PRKG2: variants seen among roughly 807,000 people sequenced by gnomAD.
PRKG2 encodes cGMP-dependent protein kinase 2.
A neutral mutation model predicts 97.2 loss-of-function variants in PRKG2; 33 were observed. The ratio of observed to expected loss-of-function variants is 0.34; its 90% CI spans 0.26 to 0.45. The LOEUF is 0.45. Among genes scored for constraint, PRKG2 ranks in the 20% least tolerant of loss-of-function variants. PRKG2 has a pLI of 1.00. For synonymous variants in PRKG2, 330 were observed against 321.8 expected, an observed-to-expected ratio of 1.03 and a Z score of -0.27; for missense variants, 638 against 900.0, an observed-to-expected ratio of 0.71 and a Z score of 3.73.
rs1374664568 is a variant in PRKG2 at position 81,184,434 on chromosome 4, G to T, written c.462-9475C>A. Among the ~76,000 whole-genome samples, 4 of 152,090 alleles carry T rather than the reference G, an allele frequency of 2.6e-5. No individual in the cohort carries two copies. The East Asian group carries it at 7.7e-4, about 29-fold the overall frequency. ...TAGAAGGAAAACTAACAAACAGAAA[G>T]GAATAGCATCAACATCAACAAAATG... On this transcript the variant is annotated intron_variant, in intron 2 of 18. Coordinates refer to ENST00000264399, the MANE Select transcript of PRKG2 (RefSeq NM_006259.3).
chr4:81,133,258 T>C (rs927896510), intron 14 of PRKG2, among the ~76,000 whole-genome samples: 1 of 152,166 alleles, frequency 6.6e-6, no homozygotes, highest in Non-Finnish European at 1.5e-5. Context: ...GAGAAAAGCA[T>C]GTTTCTTTGC....
At chr4:81,197,889 T>C (rs930215366) in intron 2 of PRKG2, among the ~76,000 whole-genome samples, 1 of 152,224 alleles carries the variant, frequency 6.6e-6, no homozygotes, top group Non-Finnish European at 1.5e-5. Context: ...AAATATTTAT[T>C]GCATTGGATG....
intron 18 of PRKG2, among the ~76,000 whole-genome samples, chr4:81,090,781 T>C (rs4496577): frequency 0.028 from 4,258 of 152,270 alleles, 216 homozygotes; most frequent in African/African-American, 0.097. Flanking sequence ...CACTTATATA[T>C]GTGAGAACAC....
intron 9 of PRKG2, among the ~76,000 whole-genome samples, chr4:81,146,423 A>G (rs1208101981): frequency 6.6e-6 from 1 of 152,178 alleles, no homozygotes; most frequent in East Asian, 1.9e-4. Flanking sequence ...GATGTGACAA[A>G]TAGCATTTCC....
intron 6 of PRKG2, among the ~76,000 whole-genome samples, chr4:81,159,755 T>C (rs1749444150): frequency 6.6e-6 from 1 of 151,804 alleles, no homozygotes; most frequent in Admixed American, 6.6e-5. Context: ...GTGGCACATA[T>C]ACACCATGGA....
At chr4:81,197,018 T>A (rs1351926161) in intron 2 of PRKG2, among the ~76,000 whole-genome samples, 1 of 152,192 alleles carries the variant, frequency 6.6e-6, no homozygotes, top group East Asian at 1.9e-4. Flanking sequence ...GAGAATTGTA[T>A]TGCAATTTAA....
intron 9 of PRKG2, among the ~76,000 whole-genome samples, chr4:81,146,343 CA>C (rs1449141281): frequency 6.6e-6 from 1 of 152,128 alleles, no homozygotes; most frequent in Admixed American, 6.6e-5. Context: ...TACATTAATT[CA>C]GATGCTATAG....
intron 1 of PRKG2, among the ~76,000 whole-genome samples, chr4:81,210,514 C>A (rs1017774305): frequency 6.6e-6 from 1 of 152,130 alleles, no homozygotes; most frequent in African/African-American, 2.4e-5. Flanking sequence ...CCACTACACA[C>A]CTATTACAAT....
At chr4:81,172,039 T>C (rs147251218) in intron 3 of PRKG2, among the ~76,000 whole-genome samples, 5 of 151,724 alleles carry the variant, frequency 3.3e-5, no homozygotes, top group Non-Finnish European at 7.4e-5. Flanking sequence ...TCATCAACGA[T>C]GAGGATAATA....
chr4:81,175,928 T>C (rs1750882716), intron 2 of PRKG2: 1 of 152,178 alleles, frequency 6.6e-6, no homozygotes, highest in African/African-American at 2.4e-5. Context: ...ATCATAAAAC[T>C]CAGCATGATT....
chr4:81,104,871 G>GA (rs1418198351), intron 16 of PRKG2, among the ~76,000 whole-genome samples: 1 of 151,448 alleles, frequency 6.6e-6, no homozygotes, highest in African/African-American at 2.4e-5. Context: ...GTTCAAATAG[G>GA]AAAAAAACAG....
At chr4:81,095,498 T>C (rs756009933) in intron 17 of PRKG2, among the ~76,000 whole-genome samples, 2 of 152,230 alleles carry the variant, frequency 1.3e-5, no homozygotes, top group Non-Finnish European at 2.9e-5. Flanking sequence ...GCCTCATAAA[T>C]ATTAATAAAA....
chr4:81,174,402 C>G (rs977595213), intron 3 of PRKG2, among the ~76,000 whole-genome samples: 2 of 151,958 alleles, frequency 1.3e-5, no homozygotes, highest in Admixed American at 6.6e-5. Context: ...ATTAGAAGTG[C>G]AGATTCTTAA....
chr4:81,205,851 A>G (rs1460122740), intron 1 of PRKG2, among the ~76,000 whole-genome samples: 7 of 152,242 alleles, frequency 4.6e-5, no homozygotes, highest in Non-Finnish European at 1.0e-4. Context: ...TCTTCAGTTC[A>G]GGCCCCAAAG....
In PRKG2 at chr4:81,189,251, C is replaced by T. The variant is rs574140619; in HGVS notation, c.462-14292G>A. 3.1e-4 allele frequency among the ~76,000 whole-genome samples: 40 copies of T among 127,192 alleles called. 3 individuals are homozygous for T. Among genetic ancestry groups the T allele is most frequent in the Non-Finnish European group, 5.1e-4 (34 of 66,838 alleles). The allele number at this position is 127,192 out of a possible 152,430, so 83.4% of individuals were successfully genotyped here. A position where few individuals can be genotyped will look rare whatever the true frequency, so the allele number is the denominator to read the frequency against. Reference sequence around the variant, plus strand: ...CTGTAGCATAAAGCATTTAAAATGTCGTTTCTGTATGTTCTGGCCCCATCC... The same window carrying T: ...CTGTAGCATAAAGCATTTAAAATGTTGTTTCTGTATGTTCTGGCCCCATCC... On this transcript the variant is annotated intron_variant, in intron 2 of 18. Coordinates refer to ENST00000264399, the MANE Select transcript of PRKG2 (RefSeq NM_006259.3).
chr4:81,125,812 A>AT (rs1560558408), intron 14 of PRKG2, among the ~76,000 whole-genome samples: 1 of 152,172 alleles, frequency 6.6e-6, no homozygotes, highest in African/African-American at 2.4e-5. Flanking sequence ...TGTGGTTTTA[A>AT]TCTGCATTTC....
At position 81,106,073 on chromosome 4, in the gene PRKG2, A is replaced by G. The variant is rs1743303097; in HGVS notation, c.1941-138T>C. On this transcript the variant is annotated intron_variant, in intron 15 of 18. Coordinates refer to ENST00000264399, the MANE Select transcript of PRKG2 (RefSeq NM_006259.3). ...CTCTCTGTCTCAGTTGTTTTACAAC[A>G]AATTTAGATATATCCTAGAATATCA... 4 of 986,010 alleles carry G rather than the reference A, an allele frequency of 4.1e-6. No individual in the cohort carries two copies. In the South Asian group the frequency reaches 7.2e-5, roughly 18 times the overall value. The allele number at this position is 986,010 out of a possible 1,614,324, so 61.1% of individuals were successfully genotyped here.
At chr4:81,142,723 A>G (rs1747414183) in intron 11 of PRKG2, 71 bp downstream of exon 11, 3 of 1,412,800 alleles carry the variant, frequency 2.1e-6, no homozygotes, top group Non-Finnish European at 2.8e-6. Flanking sequence ...TTCCTCCAAG[A>G]TATGCTGGAA....
rs553881343 is a variant in PRKG2 at position 81,179,533 on chromosome 4, T to G, written c.462-4574A>C. ...TGAAGAGCTCCAGACAGAAGAAATA[T>G]GATCTCAGATGGAAACTGGCAGATG... is the stretch of plus-strand genomic sequence containing the variant. On this transcript the variant is annotated intron_variant, in intron 2 of 18. Coordinates refer to ENST00000264399, the MANE Select transcript of PRKG2 (RefSeq NM_006259.3). Among the ~76,000 whole-genome samples, 6 of 152,216 alleles carry G rather than the reference T, an allele frequency of 3.9e-5. No individual in the cohort carries two copies. The South Asian group carries it at 1.2e-3, about 32-fold the overall frequency.
Sources: gnomAD v4.1 joint callset for allele counts (sites outside exome capture counted in the v4.1 genomes callset) on GRCh38, gnomAD v4.1.1 for gene constraint, MANE v1.5 for transcripts, NCBI Gene and HGNC (gene_info 2026-07-23, HGNC 2026-07-21) for gene names.